IKZF2: variants seen among roughly 807,000 people sequenced by gnomAD.
The protein encoded by IKZF2 is zinc finger protein Helios.
IKZF2 carries 15 observed loss-of-function variants against 49.2 expected under a neutral mutation model. That is an observed-to-expected ratio of 0.30 (90% CI 0.20 to 0.47). The LOEUF (loss-of-function observed/expected upper bound fraction) is 0.47. Ranked by LOEUF, IKZF2 falls within the 20% of genes least tolerant of loss-of-function variation. The pLI is 1.00. For synonymous variants in IKZF2, 227 were observed against 221.4 expected, an observed-to-expected ratio of 1.03 and a Z score of -0.23; for missense variants, 567 against 664.6, an observed-to-expected ratio of 0.85 and a Z score of 1.61.
chr2:213,040,605 A>T (rs1699536227), intron 6 of IKZF2, among the ~76,000 whole-genome samples: 1 of 152,136 alleles, frequency 6.6e-6, no homozygotes, highest in African/African-American at 2.4e-5. Context: ...TATGCTAAAT[A>T]TTATTTTGAC....
chr2:213,012,379 A>C (rs1696059783), intron 8 of IKZF2, among the ~76,000 whole-genome samples: 1 of 152,002 alleles, frequency 6.6e-6, no homozygotes, highest in South Asian at 2.1e-4. Flanking sequence ...ATATAAATTC[A>C]GAAGACAGAA....
chr2:213,030,408 T>C (rs1422479384), intron 6 of IKZF2, among the ~76,000 whole-genome samples: 1 of 152,176 alleles, frequency 6.6e-6, no homozygotes, highest in Non-Finnish European at 1.5e-5. Flanking sequence ...TCTCTTTATA[T>C]GAAATCATTT....
chr2:213,108,054 G>C (rs971816472), intron 4 of IKZF2, among the ~76,000 whole-genome samples: 1 of 151,910 alleles, frequency 6.6e-6, no homozygotes, highest in African/African-American at 2.4e-5. Flanking sequence ...TGTAAACTTG[G>C]GAAAAAAACG....
At chr2:213,136,232 G>C (rs1339980418) in intron 4 of IKZF2, among the ~76,000 whole-genome samples, 1 of 149,548 alleles carries the variant, frequency 6.7e-6, no homozygotes, top group African/African-American at 2.5e-5. Flanking sequence ...TTAGCTGGAC[G>C]TGGTGATGGG....
intron 4 of IKZF2, among the ~76,000 whole-genome samples, chr2:213,080,848 A>T (rs1025363929): frequency 1.3e-5 from 2 of 152,184 alleles, no homozygotes; most frequent in African/African-American, 4.8e-5. Flanking sequence ...GGAAAAAAAA[A>T]GCTATTTACT....
intron 8 of IKZF2, 72 bp downstream of exon 8, chr2:213,013,719 C>G (rs1696242340): frequency 7.5e-7 from 1 of 1,332,828 alleles, no homozygotes; most frequent in Non-Finnish European, 1.0e-6. Flanking sequence ...ATATATATTT[C>G]TAATACATGG....
Position 213,142,612 on chromosome 2 carries a change from G to A in IKZF2, c.139+5096C>T, listed in dbSNP as rs548941003. ...TAGGTATTGCTTATCCCTATTCTAC[G>A]GATAAGGAAACTGGAGCTCAGAGAT... On this transcript the variant is annotated intron_variant, in intron 4 of 8. Coordinates refer to ENST00000434687, the MANE Select transcript of IKZF2 (RefSeq NM_001387220.1). Among the ~76,000 whole-genome samples the A allele has an allele frequency of 5.5e-4, 83 of 151,986 alleles. No homozygotes were observed. The East Asian group carries it at 7.5e-3, about 14-fold the overall frequency.
intron 8 of IKZF2, among the ~76,000 whole-genome samples, chr2:213,010,551 C>T (rs997697534): frequency 6.6e-6 from 1 of 152,108 alleles, no homozygotes; most frequent in African/African-American, 2.4e-5. Flanking sequence ...TTCATAGGGT[C>T]CATAATACTT....
chr2:213,091,105 G>A lies in IKZF2; in HGVS notation c.140-34006C>T, dbSNP rs141983568. 2.0e-4 allele frequency among the ~76,000 whole-genome samples: 31 copies of A among 152,192 alleles called. No homozygotes were observed. The East Asian group carries it at 4.4e-3, about 22-fold the overall frequency. ...AGGACCAGAGACGGGCTAATTTTACGATTTTTAAAGGCAAAGGATGTGAAT... is the reference window on the plus strand; with the variant it reads ...AGGACCAGAGACGGGCTAATTTTACAATTTTTAAAGGCAAAGGATGTGAAT... On this transcript the variant is annotated intron_variant, in intron 4 of 8. Transcript: ENST00000434687.
intron 4 of IKZF2, among the ~76,000 whole-genome samples, chr2:213,114,171 T>A (rs12616255): frequency 0.37 from 56,049 of 151,818 alleles, 12,933 homozygotes; most frequent in East Asian, 0.73. Context: ...TGAAAAAAAA[T>A]TTTCTTCCTC....
chr2:213,103,108 A>G (rs879441942), intron 4 of IKZF2, among the ~76,000 whole-genome samples: 2 of 152,164 alleles, frequency 1.3e-5, no homozygotes, highest in Non-Finnish European at 2.9e-5. Flanking sequence ...CTAATCTAAC[A>G]ATCTTAAAAA....
chr2:213,072,658 ATATT>A (rs1702834279), intron 4 of IKZF2, among the ~76,000 whole-genome samples: 1 of 152,130 alleles, frequency 6.6e-6, no homozygotes, highest in African/African-American at 2.4e-5. Flanking sequence ...AGAAAGGACC[ATATT>A]TATTTGTTTC....
chr2:213,134,609 A>C (rs2060589181), intron 4 of IKZF2, among the ~76,000 whole-genome samples: 1 of 152,132 alleles, frequency 6.6e-6, no homozygotes, highest in South Asian at 2.1e-4. Context: ...ATCCCTTAGG[A>C]CCCAGTTCTT....
intron 4 of IKZF2, among the ~76,000 whole-genome samples, chr2:213,061,392 A>T (rs1463498509): frequency 6.6e-6 from 1 of 151,548 alleles, no homozygotes; most frequent in Non-Finnish European, 1.5e-5. Context: ...AACCAAATGG[A>T]GCAAAATCAT....
intron 4 of IKZF2, among the ~76,000 whole-genome samples, chr2:213,147,110 A>C (rs544438983): frequency 2.6e-5 from 4 of 152,322 alleles, no homozygotes; most frequent in South Asian, 4.1e-4. Context: ...AACAGTAGCC[A>C]AAACTGTCTT....
In IKZF2 at chr2:213,136,124, C is replaced by A. The variant is rs1031842170; in HGVS notation, c.139+11584G>T. ...GTGGCTTTATGCCTGTAATCCAGCACTTTGGGAGGCTGAGGCAGGTGGATA... is the reference window on the plus strand; with the variant it reads ...GTGGCTTTATGCCTGTAATCCAGCAATTTGGGAGGCTGAGGCAGGTGGATA... On this transcript the variant is annotated intron_variant, in intron 4 of 8. Coordinates refer to ENST00000434687, the MANE Select transcript of IKZF2 (RefSeq NM_001387220.1). Among the ~76,000 whole-genome samples, 3 of 149,994 alleles carry A rather than the reference C, an allele frequency of 2.0e-5. 1 individual carries two copies. In the South Asian group the frequency reaches 6.3e-4, roughly 32 times the overall value.
At position 213,000,821 on chromosome 2, in the gene IKZF2, G is replaced by A. The variant is rs1478168432; in HGVS notation, c.*6539C>T. On this transcript the variant is annotated 3_prime_UTR_variant, in exon 9 of 9. Transcript: ENST00000434687. ...TATTAGGTTCTTAATTTAGAGCATTGGGCGAGGGTCTAAGAAGATTCAATC... is the reference window on the plus strand; with the variant it reads ...TATTAGGTTCTTAATTTAGAGCATTAGGCGAGGGTCTAAGAAGATTCAATC... 2.0e-5 allele frequency: 3 copies of A among 151,522 alleles called. No homozygotes were observed. The highest frequency in any genetic ancestry group is 2.1e-4 in the South Asian group (1 of 4,810). The allele number at this position is 151,522 out of a possible 1,614,324, so 9.4% of individuals were successfully genotyped here. A position where few individuals can be genotyped will look rare whatever the true frequency, so the allele number is the denominator to read the frequency against.
At chr2:213,039,584 A>G (rs1699411760) in intron 6 of IKZF2, among the ~76,000 whole-genome samples, 1 of 152,108 alleles carries the variant, frequency 6.6e-6, no homozygotes, top group South Asian at 2.1e-4. Context: ...GAAGTAAGAT[A>G]GATACATGTT....
At chr2:213,101,449 C>T (rs958384252) in intron 4 of IKZF2, among the ~76,000 whole-genome samples, 1 of 151,858 alleles carries the variant, frequency 6.6e-6, no homozygotes, top group Admixed American at 6.6e-5. Flanking sequence ...CTGTAGTCTG[C>T]CTAAAGAAAA....
Sources: allele counts gnomAD v4.1 joint callset (sites outside exome capture counted in the v4.1 genomes callset), GRCh38; gene constraint gnomAD v4.1.1; transcripts MANE v1.5; gene names NCBI Gene and HGNC (gene_info 2026-07-23, HGNC 2026-07-21).